The following TUSC3 variants were observed in gnomAD, a reference collection of about 807,000 sequenced individuals.
TUSC3 encodes tumor suppressor candidate 3.
Under a neutral mutation model 44.8 loss-of-function variants are expected in TUSC3, and 45 were observed. The ratio of observed to expected loss-of-function variants is 1.00; its 90% CI spans 0.79 to 1.29. TUSC3 has a LOEUF of 1.29. Among genes scored for constraint, TUSC3 ranks in the 50% most tolerant of loss-of-function variants. The pLI is 0.00. For synonymous variants in TUSC3, 212 were observed against 152.9 expected, an observed-to-expected ratio of 1.39 and a Z score of -2.85; for missense variants, 519 against 437.9, an observed-to-expected ratio of 1.19 and a Z score of -1.65.
chr8:15,578,711 T>G (rs199887603), intron 1 of TUSC3, among the ~76,000 whole-genome samples: 1 of 152,156 alleles, frequency 6.6e-6, no homozygotes, highest in East Asian at 1.9e-4. Flanking sequence ...GCTGGATTCG[T>G]TTTGCCAGTA....
chr8:15,570,641 A>G (rs1055231744), intron 1 of TUSC3, among the ~76,000 whole-genome samples: 2 of 152,136 alleles, frequency 1.3e-5, no homozygotes, highest in Admixed American at 6.5e-5. Context: ...TACATGTATT[A>G]TTTCATTTAA....
At chr8:15,546,530 T>G (rs867666242) in intron 1 of TUSC3, among the ~76,000 whole-genome samples, 17 of 151,822 alleles carry the variant, frequency 1.1e-4, no homozygotes, top group South Asian at 6.3e-4. Context: ...TTCAGAAGAA[T>G]AATTTTTTCT....
At chr8:15,798,359 A>G in the TUSC3 span, among the ~76,000 whole-genome samples, 3 of 152,178 alleles carry the variant, frequency 2.0e-5, no homozygotes, top group East Asian at 1.9e-4. Flanking sequence ...CCAAAAAGCC[A>G]TAAAAGTTTG....
intron 6 of TUSC3, among the ~76,000 whole-genome samples, chr8:15,692,989 C>G (rs1202997165): frequency 6.6e-6 from 1 of 152,174 alleles, no homozygotes; most frequent in Non-Finnish European, 1.5e-5. Flanking sequence ...CTGCTTTCTT[C>G]TGTTTTCCAT....
the TUSC3 span, among the ~76,000 whole-genome samples, chr8:15,818,988 C>G: frequency 1.3e-5 from 2 of 152,126 alleles, no homozygotes; most frequent in African/African-American, 4.8e-5. Context: ...CCTTGGGAGG[C>G]TGAGGCAGGA....
At chr8:15,781,940 C>G in the TUSC3 span, among the ~76,000 whole-genome samples, 1 of 152,154 alleles carries the variant, frequency 6.6e-6, no homozygotes, top group Non-Finnish European at 1.5e-5. Context: ...CCAGACCACC[C>G]TAGCCAAGAT....
At chr8:15,665,843 A>C (rs1167638971) in intron 5 of TUSC3, among the ~76,000 whole-genome samples, 3 of 151,182 alleles carry the variant, frequency 2.0e-5, no homozygotes, top group South Asian at 4.2e-4. Context: ...AAGGGGGAAA[A>C]ATTTTTGTTA....
chr8:15,825,877 A>T, the TUSC3 span, among the ~76,000 whole-genome samples: 1 of 135,898 alleles, frequency 7.4e-6, no homozygotes, highest in African/African-American at 2.9e-5. Context: ...CGGAATCAAC[A>T]GTTGTTTCTT....
At chr8:15,668,157 G>C (rs1807761640) in intron 5 of TUSC3, among the ~76,000 whole-genome samples, 1 of 151,768 alleles carries the variant, frequency 6.6e-6, no homozygotes, top group African/African-American at 2.4e-5. Flanking sequence ...TTAGAATTGT[G>C]CCTGGCATGT....
intron 2 of TUSC3, among the ~76,000 whole-genome samples, chr8:15,500,783 G>C (rs535735434): frequency 1.3e-5 from 2 of 152,226 alleles, no homozygotes; most frequent in South Asian, 4.1e-4. Context: ...AACTTGAAAA[G>C]TCCCATGATT....
intron 2 of TUSC3, among the ~76,000 whole-genome samples, chr8:15,499,394 C>T (rs1239270865): frequency 6.6e-6 from 1 of 152,308 alleles, no homozygotes; most frequent in East Asian, 1.9e-4. Flanking sequence ...TTTGCATTAT[C>T]TCAGAAAATT....
At chr8:15,791,585 C>G in the TUSC3 span, among the ~76,000 whole-genome samples, 1 of 152,142 alleles carries the variant, frequency 6.6e-6, no homozygotes, top group African/African-American at 2.4e-5. Flanking sequence ...TAGAACTTCT[C>G]TTTTATATTA....
rs549612605 is a variant in TUSC3, at chr8:15,553,596, A to C, written c.138+13028A>C. The stretch of plus-strand genomic sequence containing the variant: ...TAAATGTTGACCACTGAGAGGTTAA[A>C]TAACAACTGAACAGTTCTTCGGATT... On this transcript the variant is annotated intron_variant, in intron 1 of 10. Transcript: ENST00000503731. Among the ~76,000 whole-genome samples the C allele has an allele frequency of 6.6e-5, 10 of 151,752 alleles. No individual in the cohort carries two copies. In the South Asian group the frequency reaches 2.1e-3, roughly 32 times the overall value.
At chr8:15,535,353 A>T (rs993699551), upstream of TUSC3, among the ~76,000 whole-genome samples, 4 of 152,170 alleles carry the variant, frequency 2.6e-5, no homozygotes, top group Admixed American at 2.0e-4. Flanking sequence ...GTCACTGACA[A>T]TCTTTGGAGT....
intron 1 of TUSC3, among the ~76,000 whole-genome samples, chr8:15,560,491 C>G (rs1252870451): frequency 6.6e-6 from 1 of 151,018 alleles, no homozygotes; most frequent in Non-Finnish European, 1.5e-5. Flanking sequence ...CTTGGAGTTG[C>G]TCTTCTCGAG....
chr8:15,574,133 T>C (rs1802998493), intron 1 of TUSC3, among the ~76,000 whole-genome samples: 1 of 152,152 alleles, frequency 6.6e-6, no homozygotes, highest in Non-Finnish European at 1.5e-5. Context: ...TGGCATTCAA[T>C]TGTCAATCCA....
chr8:15,563,685 CAAA>C (rs150368776), intron 1 of TUSC3, among the ~76,000 whole-genome samples: 1 of 79,974 alleles, frequency 1.3e-5, no homozygotes. Flanking sequence ...GCCTCCATCT[CAAA>C]AAAAAAAAAA....
At chr8:15,632,586 T>A (rs35246946) in intron 2 of TUSC3, among the ~76,000 whole-genome samples, 32,835 of 152,090 alleles carry the variant, frequency 0.22, 4,256 homozygotes, top group Non-Finnish European at 0.3. Flanking sequence ...TGTTTCTCAG[T>A]AATTTTTTAC....
chr8:15,621,716 G>C (rs962222472), intron 1 of TUSC3, among the ~76,000 whole-genome samples: 1 of 149,574 alleles, frequency 6.7e-6, no homozygotes, highest in East Asian at 1.9e-4. Context: ...CAAGTAATTT[G>C]TTTGTTTTGA....
Sources: gnomAD v4.1 joint callset for allele counts (sites outside exome capture counted in the v4.1 genomes callset) on GRCh38, gnomAD v4.1.1 for gene constraint, MANE v1.5 for transcripts, NCBI Gene and HGNC (gene_info 2026-07-23, HGNC 2026-07-21) for gene names.